The following LPP variants were observed in gnomAD, a reference collection of about 807,000 sequenced individuals.
LPP encodes the protein lipoma-preferred partner.
A neutral mutation model predicts 60.4 loss-of-function variants in LPP; 38 were observed. The observed-to-expected ratio is 0.63, with a 90% CI of 0.49 to 0.83. The LOEUF is 0.83. Among genes scored for constraint, LPP ranks in the 40% least tolerant of loss-of-function variants. The pLI is 0.00. For synonymous variants in LPP, 328 were observed against 290.8 expected, an observed-to-expected ratio of 1.13 and a Z score of -1.30; for missense variants, 902 against 783.6, an observed-to-expected ratio of 1.15 and a Z score of -1.80.
At chr3:188,192,205 G>A (rs535318112) in intron 1 of LPP, among the ~76,000 whole-genome samples, 1 of 152,234 alleles carries the variant, frequency 6.6e-6, no homozygotes, top group Non-Finnish European at 1.5e-5. Flanking sequence ...GATTAGAAAG[G>A]CTTCATGGGG....
At chr3:188,420,146 A>T (rs1787407973) in intron 4 of LPP, among the ~76,000 whole-genome samples, 1 of 152,076 alleles carries the variant, frequency 6.6e-6, no homozygotes, top group South Asian at 2.1e-4. Flanking sequence ...CTGACCATTT[A>T]AAAAATAATC....
chr3:188,645,575 G>A (rs1419862413), intron 7 of LPP, among the ~76,000 whole-genome samples: 2 of 152,052 alleles, frequency 1.3e-5, no homozygotes, highest in African/African-American at 4.8e-5. Flanking sequence ...GGAGACAAAT[G>A]CGCAGTAATA....
intron 7 of LPP, among the ~76,000 whole-genome samples, chr3:188,697,250 C>G (rs969906114): frequency 2.0e-5 from 3 of 152,278 alleles, no homozygotes; most frequent in Middle Eastern, 3.4e-3. Flanking sequence ...CAGAACCGCT[C>G]TGACTCAAAT....
At chr3:188,870,262 T>A (rs575196277) in intron 10 of LPP, among the ~76,000 whole-genome samples, 3 of 152,304 alleles carry the variant, frequency 2.0e-5, no homozygotes, top group African/African-American at 2.4e-5. Flanking sequence ...ACTGCAGAAA[T>A]ATATAGAACT....
chr3:188,391,839 C>T (rs1321249299), intron 3 of LPP, among the ~76,000 whole-genome samples: 1 of 151,906 alleles, frequency 6.6e-6, no homozygotes, highest in East Asian at 1.9e-4. Flanking sequence ...AAGCTGAAGA[C>T]TCAATATGAG....
intron 6 of LPP, among the ~76,000 whole-genome samples, chr3:188,574,652 C>G (rs952782097): frequency 3.3e-5 from 5 of 152,028 alleles, no homozygotes; most frequent in African/African-American, 1.2e-4. Context: ...GAAAGTTGTT[C>G]TGTCAGTGTG....
At chr3:188,401,481 A>G (rs532826088) in intron 3 of LPP, among the ~76,000 whole-genome samples, 1 of 152,304 alleles carries the variant, frequency 6.6e-6, no homozygotes, top group African/African-American at 2.4e-5. Flanking sequence ...TGCCAAGCTT[A>G]TGCTAGCTTT....
intron 6 of LPP, among the ~76,000 whole-genome samples, chr3:188,603,513 C>T (rs370782978): frequency 6.6e-6 from 1 of 152,134 alleles, no homozygotes; most frequent in Admixed American, 6.6e-5. Context: ...CTTAATCTCT[C>T]GTCAATATCT....
chr3:188,706,917 T>A (rs1273055954), intron 7 of LPP, among the ~76,000 whole-genome samples: 2 of 152,218 alleles, frequency 1.3e-5, no homozygotes, highest in African/African-American at 4.8e-5. Context: ...TCTGTTTTTA[T>A]CACACTTTTA....
At chr3:188,373,551 GTTGT>G (rs1167090077) in intron 3 of LPP, among the ~76,000 whole-genome samples, 23 of 152,138 alleles carry the variant, frequency 1.5e-4, no homozygotes, top group Admixed American at 1.1e-3. Context: ...TTTTGATGGG[GTTGT>G]TTGTTTTTTT....
At chr3:188,166,678 C>A (rs1279823447) in intron 1 of LPP, among the ~76,000 whole-genome samples, 1 of 152,196 alleles carries the variant, frequency 6.6e-6, no homozygotes, top group African/African-American at 2.4e-5. Flanking sequence ...TCTATTATCG[C>A]AATGCCAGAT....
chr3:188,884,621 C>T lies in LPP; in HGVS notation c.*10142C>T. ...TTTACATTCCATTCACCAAAAACCT[C>T]TCTGGAACTGTCAGGTTCAGAATAT... On this transcript the variant is annotated 3_prime_UTR_variant, in exon 12 of 12. Coordinates refer to ENST00000617246, the MANE Select transcript of LPP (RefSeq NM_001375462.1). The T allele has an allele frequency of 4.3e-6, 1 of 230,592 alleles. No homozygotes were observed. Among genetic ancestry groups the T allele is most frequent in the Non-Finnish European group, 8.6e-6 (1 of 116,356 alleles). 14.3% of individuals were successfully genotyped at this position (230,592 alleles called of 1,614,324 possible).
chr3:188,661,821 A>T (rs1854643098), intron 7 of LPP, among the ~76,000 whole-genome samples: 2 of 152,192 alleles, frequency 1.3e-5, no homozygotes, highest in Non-Finnish European at 2.9e-5. Flanking sequence ...TAAGCGACTA[A>T]CTTGAGGGAA....
chr3:188,608,678 T>C (rs1274136763), intron 6 of LPP, among the ~76,000 whole-genome samples: 1 of 152,254 alleles, frequency 6.6e-6, no homozygotes, highest in African/African-American at 2.4e-5. Context: ...ATGTGAGTTT[T>C]AGAATTGTTT....
intron 9 of LPP, among the ~76,000 whole-genome samples, chr3:188,786,197 T>G (rs1024448731): frequency 1.3e-5 from 2 of 151,552 alleles, no homozygotes; most frequent in African/African-American, 4.9e-5. Context: ...GTGGCCAACA[T>G]GCTGAAACCC....
At chr3:188,566,460 T>TA (rs1245178258) in intron 6 of LPP, among the ~76,000 whole-genome samples, 7 of 152,028 alleles carry the variant, frequency 4.6e-5, no homozygotes, top group Admixed American at 4.6e-4. Flanking sequence ...AACTCAGATT[T>TA]AAAAATATGT....
intron 1 of LPP, among the ~76,000 whole-genome samples, chr3:188,175,146 G>A (rs28758257): frequency 0.021 from 3,192 of 152,182 alleles, 50 homozygotes; most frequent in Middle Eastern, 0.041. Flanking sequence ...GAGTGCAGTC[G>A]TGGGTTCTTG....
chr3:188,263,031 C>A (rs748640877), intron 2 of LPP, among the ~76,000 whole-genome samples: 1 of 151,848 alleles, frequency 6.6e-6, no homozygotes, highest in East Asian at 1.9e-4. Flanking sequence ...TGTGACTATT[C>A]AGTACATGTA....
At chr3:188,575,941 C>T (rs1834514993) in intron 6 of LPP, among the ~76,000 whole-genome samples, 2 of 152,038 alleles carry the variant, frequency 1.3e-5, no homozygotes, top group South Asian at 4.1e-4. Flanking sequence ...GGACCCTGAG[C>T]TTTCAGTAGT....
Sources: allele counts gnomAD v4.1 joint callset (sites outside exome capture counted in the v4.1 genomes callset), GRCh38; gene constraint gnomAD v4.1.1; transcripts MANE v1.5; gene names NCBI Gene and HGNC (gene_info 2026-07-23, HGNC 2026-07-21).